The following ZNF345 variants were observed in gnomAD, a reference collection of about 807,000 sequenced individuals.
ZNF345 encodes the protein zinc finger protein HZF10.
For synonymous variants in ZNF345, 166 were observed against 187.9 expected (o/e 0.88, Z 0.95); for missense variants, 527 against 589.9 (o/e 0.89, Z 1.10).
At chr19:36,879,781 T>C (rs1568362867), downstream of ZNF345, among the ~76,000 whole-genome samples, 1 of 152,194 alleles carries the variant, frequency 6.6e-6, no homozygotes, top group Non-Finnish European at 1.5e-5. Flanking sequence ...ATCTGTAACA[T>C]ACCTATGGTA....
chr19:36,883,053 T>A (rs1159741342), downstream of ZNF345, among the ~76,000 whole-genome samples: 1 of 152,208 alleles, frequency 6.6e-6, no homozygotes, highest in Non-Finnish European at 1.5e-5. Flanking sequence ...TTGAAAATTC[T>A]GCTTTGGCCA....
chr19:36,854,235 G>GTTTTTTTTTTTTTTTTT (rs34215056), intron 2 of ZNF345, among the ~76,000 whole-genome samples: 2 of 138,700 alleles, frequency 1.4e-5, no homozygotes, highest in Non-Finnish European at 1.6e-5. Context: ...CCTGGGTTTT[G>GTTTTTTTTTTTTTTTTT]TTTTTTTTTT....
Position 36,878,262 on chromosome 19 carries a change from G to A in ZNF345, c.1432G>A (p.Gly478Ser). The change falls in exon 3 of 3, where the codon GGT becomes AGT. Residue 478 changes from glycine (G) to serine (S), a missense_variant. Coordinates refer to ENST00000420450, the MANE Select transcript of ZNF345 (RefSeq NM_001242472.2). Reference sequence around the variant, plus strand: ...TCAGCAACATAAGAAAAGTCATAATGGTAAGAAACTCTGCGAATTGGAAAC... The same window carrying A: ...TCAGCAACATAAGAAAAGTCATAATAGTAAGAAACTCTGCGAATTGGAAAC... The part of the protein sequence containing the change: ...EFQQHKKSHN[G>S]KKLCELETIN 2 of 1,587,260 alleles carry A rather than the reference G, an allele frequency of 1.3e-6. No homozygotes were observed. Among genetic ancestry groups the A allele is most frequent in the South Asian group, 2.3e-5 (2 of 86,398 alleles).
intron 2 of ZNF345, among the ~76,000 whole-genome samples, chr19:36,870,067 C>A (rs560085): frequency 0.23 from 35,411 of 152,036 alleles, 5,850 homozygotes; most frequent in African/African-American, 0.47. Flanking sequence ...AGACTTGAGC[C>A]ACTGCACCCA....
chr19:36,856,523 A>G (rs1342208262), intron 2 of ZNF345, among the ~76,000 whole-genome samples: 1 of 152,070 alleles, frequency 6.6e-6, no homozygotes, highest in Admixed American at 6.6e-5. Context: ...TTTTCTTTCA[A>G]AAACCTTTGA....
intron 2 of ZNF345, among the ~76,000 whole-genome samples, chr19:36,861,152 G>A (rs7249261): frequency 0.017 from 2,597 of 152,192 alleles, 82 homozygotes; most frequent in African/African-American, 0.059. Context: ...ACCCATTCTG[G>A]CTGGCTTCTG....
chr19:36,887,621 G>C (rs1184600898), intron 3 of ZNF345, among the ~76,000 whole-genome samples: 2 of 152,158 alleles, frequency 1.3e-5, no homozygotes, highest in Non-Finnish European at 2.9e-5. Flanking sequence ...TTTGAGTAAT[G>C]TTATTACATG....
At chr19:36,871,404 T>C (rs986562790) in intron 2 of ZNF345, among the ~76,000 whole-genome samples, 1 of 152,222 alleles carries the variant, frequency 6.6e-6, no homozygotes, top group Non-Finnish European at 1.5e-5. Flanking sequence ...ATTTCCTTTA[T>C]CTTTATTAAT....
At chr19:36,889,129 A>G (rs534275807) in intron 3 of ZNF345, 3 of 151,924 alleles carry the variant, frequency 2.0e-5, no homozygotes, top group East Asian at 1.9e-4. Context: ...CCATCCTTAC[A>G]CCCCAGGAAT....
chr19:36,884,351 C>T (rs1241195366), downstream of ZNF345, among the ~76,000 whole-genome samples: 2 of 152,176 alleles, frequency 1.3e-5, no homozygotes, highest in Non-Finnish European at 2.9e-5. Context: ...AGCCACCGCA[C>T]CTGGCCTATG....
In ZNF345 at chr19:36,891,319, A is replaced by G. The variant is rs944653911; in HGVS notation, c.47-1499A>G. 1.8e-5 allele frequency: 11 copies of G among 602,078 alleles called. No individual in the cohort carries two copies. In the South Asian group the frequency reaches 4.2e-4, roughly 23 times the overall value. The allele number at this position is 602,078 out of a possible 1,614,324, so 37.3% of individuals were successfully genotyped here. ...CCAGGCTCTAAACTATGAGAGAATA[A>G]ATTTCTCTTGTTTTAAGCCACCAAG... On this transcript the variant is annotated intron_variant, in intron 3 of 3. Coordinates refer to the ZNF345 transcript ENST00000526123.
At chr19:36,861,072 T>G (rs2072536859) in intron 2 of ZNF345, among the ~76,000 whole-genome samples, 1 of 152,194 alleles carries the variant, frequency 6.6e-6, no homozygotes. Flanking sequence ...GATGTTTACT[T>G]TCCTCAATGG....
intron 2 of ZNF345, among the ~76,000 whole-genome samples, chr19:36,853,232 G>GCTTT (rs1391330024): frequency 1.1e-4 from 16 of 143,590 alleles, no homozygotes; most frequent in East Asian, 2.0e-4. Flanking sequence ...CCAAAAGCTT[G>GCTTT]CTTTCTTTCT....
Position 36,876,847 on chromosome 19 carries a change from A to T in ZNF345, c.17A>T (p.Lys6Ile). 1 of 1,596,988 alleles carries T rather than the reference A, an allele frequency of 6.3e-7. No individual in the cohort carries two copies. The highest frequency in any genetic ancestry group is 8.5e-7 in the Non-Finnish European group (1 of 1,171,830). MENLT[K>I]HSIECSSFRG... The stretch of plus-strand genomic sequence containing the variant: ...AAAAAGGATATGGAAAACCTTACAA[A>T]ACACAGCATTGAGTGTTCAAGTTTC... The change falls in exon 3 of 3, where the codon AAA (lysine) becomes ATA (isoleucine). Residue 6 changes from lysine to isoleucine, a missense_variant. Lys to Ile is a moderately radical substitution (Grantham distance 102). Coordinates refer to ENST00000420450, the MANE Select transcript of ZNF345 (RefSeq NM_001242472.2).
chr19:36,883,573 T>C (rs538377428), downstream of ZNF345, among the ~76,000 whole-genome samples: 2 of 152,330 alleles, frequency 1.3e-5, no homozygotes, highest in South Asian at 4.1e-4. Flanking sequence ...AGTAATATTG[T>C]ACACCTATGT....
intron 2 of ZNF345, among the ~76,000 whole-genome samples, chr19:36,871,504 C>G: frequency 6.6e-6 from 1 of 151,948 alleles, no homozygotes; most frequent in Admixed American, 6.6e-5. Context: ...ACATATATCT[C>G]CTTAGTATTA....
chr19:36,870,481 T>G (rs1030321735), intron 2 of ZNF345, among the ~76,000 whole-genome samples: 2 of 152,202 alleles, frequency 1.3e-5, no homozygotes, highest in Admixed American at 1.3e-4. Context: ...TTTCTTGGAT[T>G]CCTTGCCTTC....
At chr19:36,868,407 A>T (rs1020896603) in intron 2 of ZNF345, among the ~76,000 whole-genome samples, 10 of 152,082 alleles carry the variant, frequency 6.6e-5, no homozygotes, top group African/African-American at 2.4e-4. Flanking sequence ...GCCTTCTGGG[A>T]AATCTATTAG....
At chr19:36,891,631 T>C (rs771348288) in intron 3 of ZNF345, 1 of 1,613,662 alleles carries the variant, frequency 6.2e-7, no homozygotes, top group South Asian at 1.1e-5. Flanking sequence ...ATTAAAGGCC[T>C]TCCCACATTC....
Sources: allele counts gnomAD v4.1 joint callset (sites outside exome capture counted in the v4.1 genomes callset), GRCh38; gene constraint gnomAD v4.1.1; transcripts MANE v1.5; gene names NCBI Gene and HGNC (gene_info 2026-07-23, HGNC 2026-07-21).